The following NRXN1 variants were observed in gnomAD, a reference collection of about 807,000 sequenced individuals.
The protein encoded by NRXN1 is neurexin-1.
NRXN1 carries 39 observed loss-of-function variants against 150.9 expected under a neutral mutation model. That is an observed-to-expected ratio of 0.26 (90% confidence interval 0.20 to 0.34). The LOEUF is 0.34. Among genes scored for constraint, NRXN1 ranks in the 10% least tolerant of loss-of-function variants. The probability of loss-of-function intolerance (pLI) is 1.00; values close to 1 mark genes in which losing one functional copy is unlikely to be tolerated. For synonymous variants in NRXN1, 924 were observed against 757.0 expected, an observed-to-expected ratio of 1.22 and a Z score of -3.62; for missense variants, 1,815 against 1,949.9, an observed-to-expected ratio of 0.93 and a Z score of 1.30.
intron 21 of NRXN1, among the ~76,000 whole-genome samples, chr2:49,975,916 A>G (rs1277183203): frequency 1.3e-5 from 2 of 152,168 alleles, no homozygotes; most frequent in East Asian, 3.8e-4. Context: ...TCTCAGATAC[A>G]TTTGAATGAA....
intron 17 of NRXN1, among the ~76,000 whole-genome samples, chr2:50,326,756 G>C (rs2076410571): frequency 6.6e-6 from 1 of 151,968 alleles, no homozygotes; most frequent in Non-Finnish European, 1.5e-5. Flanking sequence ...TGCTTTAAAG[G>C]GTATATTTTG....
At chr2:50,767,081 CGTATGCT>C (rs1702467637) in intron 5 of NRXN1, among the ~76,000 whole-genome samples, 1 of 151,954 alleles carries the variant, frequency 6.6e-6, no homozygotes, top group Non-Finnish European at 1.5e-5. Flanking sequence ...CAAGGAGCCC[CGTATGCT>C]GAATGCAGTT....
chr2:50,679,366 G>A (rs544964031), intron 5 of NRXN1, among the ~76,000 whole-genome samples: 68 of 152,128 alleles, frequency 4.5e-4, no homozygotes, highest in Admixed American at 3.3e-3. Context: ...AATCAAAGAA[G>A]AACACCAAGA....
chr2:50,005,298 C>T (rs1009679221), intron 21 of NRXN1, among the ~76,000 whole-genome samples: 1 of 152,054 alleles, frequency 6.6e-6, no homozygotes, highest in African/African-American at 2.4e-5. Flanking sequence ...ATATGGTATA[C>T]TATAGAAAGC....
chr2:50,538,675 G>T (rs748378714), intron 9 of NRXN1, 39 bp from the exon 10 acceptor site: 8 of 1,402,828 alleles, frequency 5.7e-6, no homozygotes, highest in Non-Finnish European at 7.5e-6. Flanking sequence ...TCTTTAAAAA[G>T]CACCAACGTG....
At chr2:50,273,569 T>G (rs776748890) in intron 17 of NRXN1, among the ~76,000 whole-genome samples, 15 of 152,162 alleles carry the variant, frequency 9.9e-5, no homozygotes, top group Non-Finnish European at 1.8e-4. Context: ...AAATTTAAAT[T>G]TGGTATAAAT....
At chr2:50,582,181 T>G (rs917191170) in intron 8 of NRXN1, among the ~76,000 whole-genome samples, 1 of 152,104 alleles carries the variant, frequency 6.6e-6, no homozygotes, top group African/African-American at 2.4e-5. Flanking sequence ...AGCTTTGATT[T>G]GAAATATTAG....
intron 21 of NRXN1, among the ~76,000 whole-genome samples, chr2:50,025,073 A>G (rs1688086122): frequency 6.6e-6 from 1 of 152,204 alleles, no homozygotes; most frequent in Non-Finnish European, 1.5e-5. Flanking sequence ...AGAGATACGC[A>G]ATAGCTGACA....
intron 21 of NRXN1, among the ~76,000 whole-genome samples, chr2:49,963,457 C>T (rs1676365003): frequency 6.6e-6 from 1 of 152,202 alleles, no homozygotes; most frequent in South Asian, 2.1e-4. Context: ...AAGAGTTCCT[C>T]CACCTATGTT....
At chr2:49,996,237 G>A (rs1054873260) in intron 21 of NRXN1, among the ~76,000 whole-genome samples, 4 of 152,182 alleles carry the variant, frequency 2.6e-5, no homozygotes, top group African/African-American at 9.6e-5. Flanking sequence ...AGGAATTGCA[G>A]AAGTAGAAAT....
intron 18 of NRXN1, among the ~76,000 whole-genome samples, chr2:50,155,303 G>T (rs1014544389): frequency 1.2e-4 from 18 of 151,504 alleles, no homozygotes; most frequent in African/African-American, 4.1e-4. Flanking sequence ...ATAGAGTAGT[G>T]TGGGTAATGA....
At chr2:50,456,933 G>A (rs2087624654) in intron 17 of NRXN1, among the ~76,000 whole-genome samples, 1 of 151,912 alleles carries the variant, frequency 6.6e-6, no homozygotes, top group Non-Finnish European at 1.5e-5. Context: ...CACATTCATT[G>A]GTCAACACAA....
intron 17 of NRXN1, among the ~76,000 whole-genome samples, chr2:50,278,394 C>T (rs986548453): frequency 5.5e-5 from 8 of 145,966 alleles, no homozygotes; most frequent in South Asian, 2.1e-4. Context: ...TCAAGTGCTC[C>T]GCCCCCCTTG....
rs559484388 is a variant in NRXN1 at position 50,476,734 on chromosome 2, A to T, written c.3071-4263T>A. On this transcript the variant is annotated intron_variant, in intron 15 of 22. Coordinates refer to ENST00000401669, the MANE Select transcript of NRXN1 (RefSeq NM_001330078.2). The stretch of plus-strand genomic sequence containing the variant: ...ATATTTTTTCTATTGGATTTAGTTG[A>T]CAGTCATTTGTGTGCTGAAGTGTGC... 2.0e-5 allele frequency among the ~76,000 whole-genome samples: 3 copies of T among 152,236 alleles called. No homozygotes were observed. The East Asian group carries it at 5.8e-4, about 29-fold the overall frequency.
At chr2:50,470,863 G>T (rs993134414) in intron 16 of NRXN1, among the ~76,000 whole-genome samples, 1 of 151,778 alleles carries the variant, frequency 6.6e-6, no homozygotes, top group African/African-American at 2.4e-5. Flanking sequence ...TACTCCTACA[G>T]ATCTTGGTCT....
chr2:50,764,978 A>G (rs562575205), intron 5 of NRXN1, among the ~76,000 whole-genome samples: 4 of 152,116 alleles, frequency 2.6e-5, no homozygotes, highest in East Asian at 3.9e-4. Flanking sequence ...TCAATGGTCT[A>G]TAAGTTGCTA....
intron 18 of NRXN1, among the ~76,000 whole-genome samples, chr2:50,098,877 T>TGGCTAG: frequency 1.3e-5 from 1 of 78,542 alleles, no homozygotes; most frequent in Admixed American, 1.3e-4. Flanking sequence ...TTTTTTTTTT[T>TGGCTAG]TTTTTGGCTA....
chr2:50,372,957 T>C (rs1310734024), intron 17 of NRXN1, among the ~76,000 whole-genome samples: 1 of 152,086 alleles, frequency 6.6e-6, no homozygotes, highest in Non-Finnish European at 1.5e-5. Flanking sequence ...ATGACATATT[T>C]TAGTCTCCAA....
chr2:50,518,560 A>G (rs1480519116), intron 12 of NRXN1, among the ~76,000 whole-genome samples: 1 of 152,002 alleles, frequency 6.6e-6, no homozygotes, highest in Non-Finnish European at 1.5e-5. Flanking sequence ...AAAAAAAATC[A>G]AAAAGCATAT....
Sources: gnomAD v4.1 joint callset for allele counts (sites outside exome capture counted in the v4.1 genomes callset) on GRCh38, gnomAD v4.1.1 for gene constraint, MANE v1.5 for transcripts, NCBI Gene and HGNC (gene_info 2026-07-23, HGNC 2026-07-21) for gene names.